KIAA1328: variants seen among roughly 807,000 people sequenced by gnomAD.
KIAA1328 encodes the protein protein hinderin.
Under a neutral mutation model 68.1 loss-of-function variants are expected in KIAA1328, and 52 were observed. The ratio of observed to expected loss-of-function variants is 0.76; its 90% CI spans 0.61 to 0.96. The LOEUF (loss-of-function observed/expected upper bound fraction) is 0.96. Ranked by LOEUF, KIAA1328 falls within the 40% of genes least tolerant of loss-of-function variation. The pLI is 0.00. For missense variants in KIAA1328, 641 were observed against 677.6 expected (o/e 0.95, Z 0.60); for synonymous variants, 232 against 239.4 (o/e 0.97, Z 0.28).
At chr18:36,862,544 C>T (rs932784333) in intron 4 of KIAA1328, among the ~76,000 whole-genome samples, 12 of 152,018 alleles carry the variant, frequency 7.9e-5, no homozygotes, top group African/African-American at 2.4e-4. Flanking sequence ...TAATTTGTTC[C>T]TTTTTACTGC....
intron 5 of KIAA1328, among the ~76,000 whole-genome samples, chr18:36,923,097 A>G (rs576016118): frequency 3.9e-4 from 59 of 152,130 alleles, no homozygotes; most frequent in Non-Finnish European, 7.6e-4. Context: ...GTGAAATTAG[A>G]GAGTATTTTG....
intron 6 of KIAA1328, among the ~76,000 whole-genome samples, chr18:36,972,604 A>G (rs927612475): frequency 4.6e-5 from 7 of 152,332 alleles, no homozygotes; most frequent in Middle Eastern, 6.8e-3. Context: ...CAAGGAAAAC[A>G]CTAAGCAATC....
At chr18:37,101,639 A>G (rs1367989395) in intron 7 of KIAA1328, among the ~76,000 whole-genome samples, 1 of 152,204 alleles carries the variant, frequency 6.6e-6, no homozygotes, top group African/African-American at 2.4e-5. Context: ...AAGGCAGGCC[A>G]ACATTCAAAT....
intron 6 of KIAA1328, among the ~76,000 whole-genome samples, chr18:37,012,069 A>T (rs1265072807): frequency 6.6e-6 from 1 of 152,226 alleles, no homozygotes; most frequent in Non-Finnish European, 1.5e-5. Context: ...GGAATGTAAT[A>T]CTTGAAAATA....
chr18:37,013,988 G>A (rs1266910074), intron 6 of KIAA1328, among the ~76,000 whole-genome samples: 4 of 152,142 alleles, frequency 2.6e-5, no homozygotes, highest in African/African-American at 2.4e-5. Flanking sequence ...CCTTTTCTCC[G>A]CATCCTCGCC....
At position 36,956,543 on chromosome 18, in the gene KIAA1328, T is replaced by TGGGG. The variant is rs112740428; in HGVS notation, c.449-2758_449-2755dup. 5.3e-3 allele frequency among the ~76,000 whole-genome samples: 729 copies of TGGGG among 136,846 alleles called. 11 individuals are homozygous for TGGGG. The highest frequency in any genetic ancestry group is 0.02 in the African/African-American group (706 of 35,348). 89.8% of individuals were successfully genotyped at this position (136,846 alleles called of 152,430 possible). On this transcript the variant is annotated intron_variant, in intron 5 of 9. Transcript: ENST00000280020. ...CTCATTGTGCTAAGGAGGAAGGAAG[T>TGGGG]GGGGGGGGGGTGCATTTAGAAATCT...
intron 7 of KIAA1328, among the ~76,000 whole-genome samples, chr18:37,151,875 G>C (rs2059038076): frequency 6.6e-6 from 1 of 152,044 alleles, no homozygotes; most frequent in African/African-American, 2.4e-5. Context: ...GGTGAGGAGG[G>C]CTTCCATATG....
At chr18:36,829,726 C>T (rs150157707) in intron 1 of KIAA1328, among the ~76,000 whole-genome samples, 162 of 152,168 alleles carry the variant, frequency 1.1e-3, no homozygotes, top group Middle Eastern at 6.8e-3. Flanking sequence ...AGGTGTGGAG[C>T]TTGGTTACTG....
At chr18:37,144,866 A>G (rs531770807) in intron 7 of KIAA1328, among the ~76,000 whole-genome samples, 4 of 152,154 alleles carry the variant, frequency 2.6e-5, no homozygotes, top group African/African-American at 9.6e-5. Context: ...TTAATATGTT[A>G]TATTTTTTAT....
At chr18:36,954,645 T>C (rs1276228859) in intron 5 of KIAA1328, 3 of 152,042 alleles carry the variant, frequency 2.0e-5, no homozygotes, top group Non-Finnish European at 4.4e-5. Context: ...GACCATTTGT[T>C]CTAAGTAATT....
intron 5 of KIAA1328, chr18:36,902,117 C>T (rs1468890538): frequency 6.6e-6 from 1 of 151,334 alleles, no homozygotes; most frequent in African/African-American, 2.4e-5. Context: ...TCATTTTTGC[C>T]ACATGTGTTG....
rs1381688987 is a variant in KIAA1328, at chr18:37,034,081, C to A, written c.577-32809C>A. On this transcript the variant is annotated intron_variant, in intron 6 of 9. Coordinates refer to ENST00000280020, the MANE Select transcript of KIAA1328 (RefSeq NM_020776.3). ...TCCAAAATAAAAATTCTCATTGAAA[C>A]CATCTTTTAAATGTGTTGAATTTTA... 2.0e-5 allele frequency among the ~76,000 whole-genome samples: 3 copies of A among 152,116 alleles called. No individual in the cohort carries two copies. In the East Asian group the frequency reaches 5.8e-4, roughly 29 times the overall value.
Position 36,988,449 on chromosome 18 carries a change from G to A in KIAA1328, c.576+29014G>A, listed in dbSNP as rs183434041. 9.5e-4 allele frequency among the ~76,000 whole-genome samples: 144 copies of A among 152,222 alleles called. 1 individual carries two copies. The highest frequency in any genetic ancestry group is 1.3e-4 in the Non-Finnish European group (9 of 68,004). ...AACAGACACCTGTCATCGTAACTTG[G>A]GAATGTTAGACATTTGGCTGTATTC... On this transcript the variant is annotated intron_variant, in intron 6 of 9. Coordinates refer to ENST00000280020, the MANE Select transcript of KIAA1328 (RefSeq NM_020776.3).
At position 37,104,930 on chromosome 18, in the gene KIAA1328, AATT is replaced by A. The variant is rs1352230718; in HGVS notation, c.1232+37389_1232+37391del. Among the ~76,000 whole-genome samples the A allele has an allele frequency of 1.2e-4, 19 of 152,264 alleles. No homozygotes were observed. In the East Asian group the frequency reaches 3.7e-3, roughly 29 times the overall value. On this transcript the variant is annotated intron_variant, in intron 7 of 9. Coordinates refer to ENST00000280020, the MANE Select transcript of KIAA1328 (RefSeq NM_020776.3). ...GATCAGTGTGGCAGTATCATTTAAC[AATT>A]ATTTCTAATTATCAATGATAACTGG...
chr18:36,871,726 C>T lies in KIAA1328; in HGVS notation c.333-13831C>T, dbSNP rs571913652. 7.2e-5 allele frequency among the ~76,000 whole-genome samples: 11 copies of T among 152,040 alleles called. No homozygotes were observed. In the South Asian group the frequency reaches 2.1e-3, roughly 29 times the overall value. On this transcript the variant is annotated intron_variant, in intron 4 of 9. Transcript: ENST00000280020. Reference sequence around the variant, plus strand: ...CGCAAGCCTAGGACATTTCTTGAAACTGACAGAGAGCTAAGGTTGAAGGGC... The same window carrying T: ...CGCAAGCCTAGGACATTTCTTGAAATTGACAGAGAGCTAAGGTTGAAGGGC...
intron 9 of KIAA1328, among the ~76,000 whole-genome samples, chr18:37,187,274 A>C (rs1187053094): frequency 6.6e-6 from 1 of 152,176 alleles, no homozygotes; most frequent in African/African-American, 2.4e-5. Context: ...AAGAGTGATT[A>C]ATGTTGTACG....
chr18:37,191,259 T>G (rs1315071315), intron 9 of KIAA1328, among the ~76,000 whole-genome samples: 1 of 152,208 alleles, frequency 6.6e-6, no homozygotes, highest in Non-Finnish European at 1.5e-5. Flanking sequence ...ATTTAACTTC[T>G]TTTATACATG....
intron 4 of KIAA1328, among the ~76,000 whole-genome samples, chr18:36,855,128 G>T (rs986867341): frequency 1.3e-5 from 2 of 152,090 alleles, no homozygotes; most frequent in Admixed American, 1.3e-4. Context: ...TATGTACAAG[G>T]ATTTGTTTTG....
intron 6 of KIAA1328, among the ~76,000 whole-genome samples, chr18:37,055,602 C>T: frequency 6.6e-6 from 1 of 152,138 alleles, no homozygotes; most frequent in Non-Finnish European, 1.5e-5. Flanking sequence ...GACGACTGGT[C>T]CATATATGCC....
Sources: allele counts gnomAD v4.1 joint callset (sites outside exome capture counted in the v4.1 genomes callset), GRCh38; gene constraint gnomAD v4.1.1; transcripts MANE v1.5; gene names NCBI Gene and HGNC (gene_info 2026-07-23, HGNC 2026-07-21).